IGSF11: variants seen among roughly 807,000 people sequenced by gnomAD.
IGSF11 encodes CXADR like 1.
Under a neutral mutation model 41.0 loss-of-function variants are expected in IGSF11, and 22 were observed. The observed-to-expected ratio is 0.54, with a 90% CI of 0.38 to 0.77. IGSF11 has a LOEUF of 0.77. Among genes scored for constraint, IGSF11 ranks in the 30% least tolerant of loss-of-function variants. The pLI, the probability that IGSF11 is intolerant of heterozygous loss-of-function variation, is 0.00. For synonymous variants in IGSF11, 219 were observed against 201.3 expected (o/e 1.09, Z -0.74); for missense variants, 444 against 530.8 (o/e 0.84, Z 1.61).
intron 1 of IGSF11, among the ~76,000 whole-genome samples, chr3:119,062,028 A>C (rs1254718895): frequency 6.6e-6 from 1 of 152,136 alleles, no homozygotes; most frequent in Non-Finnish European, 1.5e-5. Context: ...CTCAACTACC[A>C]CCTTATAAAA....
intron 1 of IGSF11, among the ~76,000 whole-genome samples, chr3:119,115,636 T>C (rs1222248285): frequency 6.6e-6 from 1 of 152,236 alleles, no homozygotes; most frequent in Non-Finnish European, 1.5e-5. Flanking sequence ...GTCCCTTATA[T>C]AATCTGGTAA....
At chr3:119,042,838 C>T (rs1055104798) in intron 1 of IGSF11, among the ~76,000 whole-genome samples, 1 of 152,208 alleles carries the variant, frequency 6.6e-6, no homozygotes, top group Admixed American at 6.5e-5. Flanking sequence ...AACACCACCT[C>T]CTGGCTGGAG....
At chr3:118,962,225 T>G (rs1448160511) in intron 1 of IGSF11, among the ~76,000 whole-genome samples, 1 of 152,218 alleles carries the variant, frequency 6.6e-6, no homozygotes, top group Non-Finnish European at 1.5e-5. Context: ...ATTTGTAGAG[T>G]TCACTCTATT....
chr3:119,077,489 GA>G (rs923399416), intron 1 of IGSF11, among the ~76,000 whole-genome samples: 9 of 151,158 alleles, frequency 6.0e-5, no homozygotes, highest in East Asian at 1.9e-4. Flanking sequence ...AATTTAAAAA[GA>G]AAAAAAACCC....
Position 119,034,546 on chromosome 3 carries a change from G to C in IGSF11, c.37C>G (p.Leu13Val), listed in dbSNP as rs1424144472. ...AGCTACTCACCGTGCAGAGAGAGGA[G>C]CAGCAAAGGCGCCAGAGGGGAACGC... ...SQRSPLAPLL[L>V]LSLHGVAASL... The change falls in exon 1 of 7, where the codon CTC becomes GTC. Residue 13 changes from leucine (L) to valine (V), a missense_variant. Leu to Val is a conservative substitution (Grantham distance 32). Around this residue, in one of 3 missense-constraint regions of IGSF11, gnomAD observed 28 missense variants for 21.1 expected, o/e 1.33. Transcript: ENST00000393775. 1 of 1,592,910 alleles carries C rather than the reference G, an allele frequency of 6.3e-7. No homozygotes were observed. Among genetic ancestry groups the C allele is most frequent in the Non-Finnish European group, 8.5e-7 (1 of 1,170,694 alleles).
chr3:119,079,990 A>G (rs924022459), intron 1 of IGSF11, among the ~76,000 whole-genome samples: 2 of 152,190 alleles, frequency 1.3e-5, no homozygotes, highest in Non-Finnish European at 2.9e-5. Flanking sequence ...GCAACATGCA[A>G]TTTACCCATT....
At chr3:118,913,302 A>C (rs557263519) in intron 4 of IGSF11, among the ~76,000 whole-genome samples, 67 of 152,262 alleles carry the variant, frequency 4.4e-4, no homozygotes, top group African/African-American at 1.5e-3. Flanking sequence ...AGTGACAAAA[A>C]ATACAATCTC....
intron 1 of IGSF11, among the ~76,000 whole-genome samples, chr3:119,136,906 C>T (rs2077570584): frequency 6.6e-6 from 1 of 152,006 alleles, no homozygotes; most frequent in African/African-American, 2.4e-5. Context: ...AATCAACATA[C>T]AAAAGCCAGT....
intron 1 of IGSF11, among the ~76,000 whole-genome samples, chr3:118,958,758 T>C (rs1172524295): frequency 1.3e-5 from 2 of 152,248 alleles, no homozygotes; most frequent in African/African-American, 4.8e-5. Context: ...TGTTTTATAA[T>C]AGATGTTCTT....
intron 1 of IGSF11, among the ~76,000 whole-genome samples, chr3:119,084,738 A>G (rs1243045947): frequency 6.6e-6 from 1 of 152,290 alleles, no homozygotes; most frequent in East Asian, 1.9e-4. Context: ...CTCTTGCTTC[A>G]TCTGAGTGCA....
At chr3:118,914,279 C>T (rs1467817170) in intron 4 of IGSF11, among the ~76,000 whole-genome samples, 1 of 152,100 alleles carries the variant, frequency 6.6e-6, no homozygotes, top group Admixed American at 6.5e-5. Context: ...GGAACAGCTC[C>T]GGTCTACAGC....
At chr3:119,004,008 T>C (rs1199137581) in intron 1 of IGSF11, among the ~76,000 whole-genome samples, 87 of 152,070 alleles carry the variant, frequency 5.7e-4, no homozygotes, top group African/African-American at 1.8e-3. Flanking sequence ...CCCTCTTTTT[T>C]TATTGATTGG....
At chr3:119,090,885 G>A (rs984836633) in intron 1 of IGSF11, among the ~76,000 whole-genome samples, 14 of 152,152 alleles carry the variant, frequency 9.2e-5, no homozygotes, top group African/African-American at 3.1e-4. Flanking sequence ...AAATTGACAA[G>A]CGGGACCTAA....
rs75452257 is a variant in IGSF11, at chr3:119,026,940, G to A, written c.52+7591C>T. 5.2e-3 allele frequency among the ~76,000 whole-genome samples: 791 copies of A among 152,090 alleles called. 4 individuals are homozygous for A. Among genetic ancestry groups the A allele is most frequent in the African/African-American group, 0.018 (735 of 41,494 alleles). ...AGTGAAATAACTGACAGTCATTTGC[G>A]GCCAATGATAAAATTCAAGCAATAT... On this transcript the variant is annotated intron_variant, in intron 1 of 6. Transcript: ENST00000393775.
At chr3:118,930,701 A>T (rs1942775079) in intron 1 of IGSF11, among the ~76,000 whole-genome samples, 2 of 152,362 alleles carry the variant, frequency 1.3e-5, no homozygotes, top group East Asian at 3.9e-4. Flanking sequence ...GCACCCATAC[A>T]AGAAGAGTAT....
At chr3:119,133,352 T>A (rs560017839) in intron 1 of IGSF11, among the ~76,000 whole-genome samples, 1 of 150,598 alleles carries the variant, frequency 6.6e-6, no homozygotes, top group Admixed American at 6.6e-5. Flanking sequence ...GAGAGAAGAA[T>A]CAAATAGGGG....
chr3:119,099,045 T>C (rs571028343), intron 1 of IGSF11, among the ~76,000 whole-genome samples: 2 of 152,298 alleles, frequency 1.3e-5, no homozygotes, highest in South Asian at 2.1e-4. Flanking sequence ...GCCCCAATTA[T>C]AACAAATTGC....
chr3:119,001,278 T>C (rs1301821692), intron 1 of IGSF11, among the ~76,000 whole-genome samples: 8 of 151,060 alleles, frequency 5.3e-5, no homozygotes, highest in South Asian at 2.1e-4. Context: ...ATATTTTATA[T>C]AATTTACTTA....
At chr3:119,097,986 T>TTTTTTTTTTTG (rs71156730) in intron 1 of IGSF11, among the ~76,000 whole-genome samples, 1 of 143,564 alleles carries the variant, frequency 7.0e-6, no homozygotes, top group African/African-American at 2.6e-5. Context: ...TTTTTTTTTT[T>TTTTTTTTTTTG]AGAGACAGGG....
Sources: gnomAD v4.1 joint callset for allele counts (sites outside exome capture counted in the v4.1 genomes callset) on GRCh38, gnomAD v4.1.1 for gene constraint, gnomAD v4.1.1 regional missense constraint, MANE v1.5 for transcripts, NCBI Gene and HGNC (gene_info 2026-07-23, HGNC 2026-07-21) for gene names.